The following NWD2 variants were observed in gnomAD, a reference collection of about 807,000 sequenced individuals.
NWD2 encodes the protein NACHT and WD repeat domain-containing protein 2.
In NWD2, 37 loss-of-function variants were observed where a neutral mutation model predicts 132.7. The ratio of observed to expected loss-of-function variants is 0.28; its 90% CI spans 0.21 to 0.37. The LOEUF is 0.37. NWD2 is among the 10% of genes least tolerant of loss of function. The pLI, the probability that NWD2 is intolerant of heterozygous loss-of-function variation, is 1.00. For missense variants in NWD2, 1,592 were observed against 2,122.4 expected, an observed-to-expected ratio of 0.75 and a Z score of 4.91; for synonymous variants, 705 against 803.0, an observed-to-expected ratio of 0.88 and a Z score of 2.06.
In NWD2 at chr4:37,380,166, G is replaced by A. The variant is rs573519913; in HGVS notation, c.357+23684G>A. 1.4e-4 allele frequency among the ~76,000 whole-genome samples: 21 copies of A among 152,328 alleles called. No individual in the cohort carries two copies. In the South Asian group the frequency reaches 3.7e-3, roughly 27 times the overall value. On this transcript the variant is annotated intron_variant, in intron 3 of 6. Coordinates refer to ENST00000309447, the MANE Select transcript of NWD2 (RefSeq NM_001144990.2). ...ACCAATTTACAGATGAAAAATAAAC[G>A]TTCAGATTAACTTCTCCAGGGCTAC...
intron 2 of NWD2, among the ~76,000 whole-genome samples, chr4:37,343,676 GTGGGAAAAT>G (rs1308854190): frequency 6.6e-6 from 1 of 152,144 alleles, no homozygotes; most frequent in Admixed American, 6.6e-5. Flanking sequence ...ATTCTATGGT[GTGGGAAAAT>G]TGGGAAAGAA....
chr4:37,430,852 C>A, intron 4 of NWD2, 77 bp downstream of exon 4: 1 of 1,333,592 alleles, frequency 7.5e-7, no homozygotes, highest in Non-Finnish European at 1.0e-6. Context: ...CGGGGTGGTG[C>A]TGCACAGAAA....
intron 2 of NWD2, among the ~76,000 whole-genome samples, chr4:37,342,175 G>A (rs1719541672): frequency 1.3e-5 from 2 of 152,132 alleles, no homozygotes; most frequent in African/African-American, 4.8e-5. Context: ...TTCTTGAACG[G>A]CATTGATGCC....
At chr4:37,418,631 CAA>C (rs35289113) in intron 3 of NWD2, among the ~76,000 whole-genome samples, 15,233 of 142,490 alleles carry the variant, frequency 0.11, 1,677 homozygotes, top group African/African-American at 0.28. Flanking sequence ...ATCTTTCTCC[CAA>C]AAAAAAAAAT....
intron 1 of NWD2, among the ~76,000 whole-genome samples, chr4:37,284,678 T>C (rs1718191575): frequency 2.0e-5 from 3 of 152,242 alleles, no homozygotes; most frequent in African/African-American, 7.2e-5. Context: ...TTGTTCAATT[T>C]GGAAGAGTGG....
chr4:37,350,427 T>C (rs1252667304), intron 2 of NWD2, among the ~76,000 whole-genome samples: 1 of 152,200 alleles, frequency 6.6e-6, no homozygotes, highest in East Asian at 1.9e-4. Context: ...TTCTAGGTAT[T>C]TTATTCTCTT....
intron 1 of NWD2, among the ~76,000 whole-genome samples, chr4:37,292,799 C>T (rs1432345160): frequency 1.3e-5 from 2 of 152,050 alleles, no homozygotes; most frequent in African/African-American, 2.4e-5. Context: ...GAGTGTGCAT[C>T]CCGGATCCCG....
At chr4:37,314,185 G>C (rs1412556917) in intron 1 of NWD2, among the ~76,000 whole-genome samples, 1 of 152,122 alleles carries the variant, frequency 6.6e-6, no homozygotes, top group Non-Finnish European at 1.5e-5. Flanking sequence ...GCTAGACTTA[G>C]TTTACTAATA....
intron 2 of NWD2, among the ~76,000 whole-genome samples, chr4:37,329,431 G>A (rs1052557370): frequency 2.0e-5 from 3 of 152,152 alleles, no homozygotes; most frequent in Non-Finnish European, 2.9e-5. Context: ...CGGTGATAAG[G>A]CAATATTTGA....
At chr4:37,316,432 A>C (rs942550403) in intron 1 of NWD2, among the ~76,000 whole-genome samples, 5 of 151,964 alleles carry the variant, frequency 3.3e-5, no homozygotes, top group Non-Finnish European at 7.4e-5. Flanking sequence ...TTGTTTTAAC[A>C]GTTTGACTAT....
At chr4:37,358,361 GGGGAACGAACA>G (rs1230016388) in intron 3 of NWD2, among the ~76,000 whole-genome samples, 1 of 149,390 alleles carries the variant, frequency 6.7e-6, no homozygotes, top group Non-Finnish European at 1.5e-5. Flanking sequence ...GGGGGGGTTG[GGGGAACGAACA>G]CCGAAAAACA....
intron 1 of NWD2, among the ~76,000 whole-genome samples, chr4:37,317,956 A>G (rs1718991084): frequency 6.7e-6 from 1 of 150,170 alleles, no homozygotes; most frequent in African/African-American, 2.4e-5. Context: ...CTATTCGCTC[A>G]TTCATTTATT....
chr4:37,282,528 C>A (rs145364302), intron 1 of NWD2, among the ~76,000 whole-genome samples: 52 of 152,258 alleles, frequency 3.4e-4, no homozygotes, highest in Middle Eastern at 6.8e-3. Context: ...GATCCATTGA[C>A]CTTCCAGTCA....
intron 3 of NWD2, among the ~76,000 whole-genome samples, chr4:37,403,071 G>A (rs1472778090): frequency 2.0e-5 from 3 of 152,032 alleles, no homozygotes; most frequent in African/African-American, 7.2e-5. Context: ...AAGTCTACTA[G>A]AAGAAAAGGT....
intron 3 of NWD2, among the ~76,000 whole-genome samples, chr4:37,407,849 G>C (rs998725358): frequency 3.9e-5 from 6 of 152,324 alleles, no homozygotes; most frequent in African/African-American, 1.4e-4. Context: ...ATCTCATTGG[G>C]ACTGGTTGGA....
chr4:37,279,692 T>G (rs986604192), intron 1 of NWD2, among the ~76,000 whole-genome samples: 1 of 152,212 alleles, frequency 6.6e-6, no homozygotes, highest in Non-Finnish European at 1.5e-5. Flanking sequence ...TCACTTTACA[T>G]GCAGATTATA....
At chr4:37,268,380 T>C (rs1053482465) in intron 1 of NWD2, among the ~76,000 whole-genome samples, 21 of 152,102 alleles carry the variant, frequency 1.4e-4, no homozygotes, top group African/African-American at 5.1e-4. Flanking sequence ...TGCTTGACTA[T>C]TAACCTTTAA....
chr4:37,340,537 G>C (rs1719496476), intron 2 of NWD2, among the ~76,000 whole-genome samples: 1 of 152,198 alleles, frequency 6.6e-6, no homozygotes, highest in African/African-American at 2.4e-5. Context: ...ACAGTGACCA[G>C]GGTGGTGCTT....
chr4:37,398,571 G>T (rs143955987), intron 3 of NWD2, among the ~76,000 whole-genome samples: 56 of 152,250 alleles, frequency 3.7e-4, no homozygotes, highest in African/African-American at 1.3e-3. Flanking sequence ...ATATGGCAGG[G>T]ACAGGTTTCA....
Sources: gnomAD v4.1 joint callset for allele counts (sites outside exome capture counted in the v4.1 genomes callset) on GRCh38, gnomAD v4.1.1 for gene constraint, MANE v1.5 for transcripts, NCBI Gene and HGNC (gene_info 2026-07-23, HGNC 2026-07-21) for gene names.